DCDC2C: variants seen among roughly 807,000 people sequenced by gnomAD.
DCDC2C encodes the protein doublecortin domain containing 2C.
A neutral mutation model predicts 45.0 loss-of-function variants in DCDC2C; 44 were observed. That is an observed-to-expected ratio of 0.98 (90% confidence interval 0.77 to 1.26). DCDC2C has a LOEUF of 1.26. Among genes scored for constraint, DCDC2C ranks in the 50% most tolerant of loss-of-function variants. The pLI is 0.00. For missense variants in DCDC2C, 447 were observed against 468.9 expected (o/e 0.95, Z 0.43); for synonymous variants, 187 against 178.8 (o/e 1.05, Z -0.37).
chr2:3,740,245 A>G (rs886214583), intron 3 of DCDC2C, among the ~76,000 whole-genome samples: 12 of 152,204 alleles, frequency 7.9e-5, no homozygotes, highest in Non-Finnish European at 1.3e-4. Context: ...GACATTTTGT[A>G]TTTTTGACTT....
At chr2:3,797,102 G>C (rs1403425866) in intron 10 of DCDC2C, among the ~76,000 whole-genome samples, 2 of 152,250 alleles carry the variant, frequency 1.3e-5, no homozygotes, top group Non-Finnish European at 2.9e-5. Flanking sequence ...TCTTGGGAGA[G>C]TGTATGTGTC....
chr2:3,840,688 G>GTTTCTTTA (rs1312914180), intron 10 of DCDC2C, among the ~76,000 whole-genome samples: 1 of 152,054 alleles, frequency 6.6e-6, no homozygotes, highest in Non-Finnish European at 1.5e-5. Flanking sequence ...TTGTTTCTTT[G>GTTTCTTTA]TTTCTGGTAT....
At chr2:3,757,211 C>T (rs577107599) in intron 6 of DCDC2C, among the ~76,000 whole-genome samples, 3 of 152,212 alleles carry the variant, frequency 2.0e-5, no homozygotes, top group South Asian at 4.1e-4. Flanking sequence ...TACTTGCTTG[C>T]CCCAGGTTTT....
At chr2:3,791,848 G>T (rs537126760) in intron 10 of DCDC2C, among the ~76,000 whole-genome samples, 42 of 152,326 alleles carry the variant, frequency 2.8e-4, no homozygotes, top group African/African-American at 9.6e-4. Context: ...ATGACACACC[G>T]CCACAGGGCA....
At position 3,769,416 on chromosome 2, in the gene DCDC2C, G is replaced by A. The variant is rs929770658; in HGVS notation, c.954+5G>A. ...CTGGAGGTGCCTGTGGACCAGGTGG[G>A]TGTCCGGGGTCCGATGTCCATGCCG... is the stretch of plus-strand genomic sequence containing the variant. On this transcript the variant is annotated splice_donor_5th_base_variant and intron_variant, in intron 8 of 10. Transcript: ENST00000399143. 1 of 1,549,780 alleles carries A rather than the reference G, an allele frequency of 6.5e-7. No individual in the cohort carries two copies. The highest frequency in any genetic ancestry group is 1.4e-5 in the African/African-American group (1 of 73,040).
intron 10 of DCDC2C, among the ~76,000 whole-genome samples, chr2:3,839,437 T>C (rs891567178): frequency 6.6e-6 from 1 of 152,228 alleles, no homozygotes; most frequent in Non-Finnish European, 1.5e-5. Context: ...AACCGAGTAT[T>C]GAATACGGTA....
At chr2:3,836,275 A>G (rs1478098966) in intron 10 of DCDC2C, among the ~76,000 whole-genome samples, 1 of 152,156 alleles carries the variant, frequency 6.6e-6, no homozygotes, top group Non-Finnish European at 1.5e-5. Flanking sequence ...AAATTGAAGG[A>G]CATTTTACAA....
At chr2:3,815,221 A>G (rs1421449019) in intron 10 of DCDC2C, among the ~76,000 whole-genome samples, 1 of 152,198 alleles carries the variant, frequency 6.6e-6, no homozygotes, top group African/African-American at 2.4e-5. Context: ...TGGAAAAAGC[A>G]CGGTTTCCCC....
intron 10 of DCDC2C, among the ~76,000 whole-genome samples, chr2:3,786,358 G>T (rs1670652222): frequency 6.9e-6 from 1 of 145,176 alleles, no homozygotes; most frequent in South Asian, 2.3e-4. Context: ...CGTGTGTCCC[G>T]CCTGTGCACG....
At chr2:3,747,527 C>T (rs1669409082) in intron 4 of DCDC2C, among the ~76,000 whole-genome samples, 1 of 152,188 alleles carries the variant, frequency 6.6e-6, no homozygotes, top group South Asian at 2.1e-4. Context: ...CAGTGGACGT[C>T]ACTTCTGGCT....
chr2:3,783,531 A>G (rs1241165503), intron 9 of DCDC2C, among the ~76,000 whole-genome samples: 1 of 152,248 alleles, frequency 6.6e-6, no homozygotes, highest in Non-Finnish European at 1.5e-5. Flanking sequence ...GTGTACGTCT[A>G]CTGTCTCTTC....
chr2:3,704,387 AGGGGCGTGG>A (rs1325396090), intron 1 of DCDC2C, among the ~76,000 whole-genome samples: 1 of 45,706 alleles, frequency 2.2e-5, no homozygotes. Context: ...GGGTGTGGAG[AGGGGCGTGG>A]GGGGCGTGGG....
intron 10 of DCDC2C, among the ~76,000 whole-genome samples, chr2:3,807,391 A>G (rs1056330108): frequency 6.6e-5 from 10 of 152,114 alleles, no homozygotes; most frequent in Admixed American, 2.6e-4. Context: ...AAGTCTGTAA[A>G]CAGTCGACTC....
intron 10 of DCDC2C, among the ~76,000 whole-genome samples, chr2:3,805,275 C>T (rs962248292): frequency 4.6e-5 from 7 of 152,198 alleles, no homozygotes; most frequent in African/African-American, 7.2e-5. Context: ...CAGCAGCTCC[C>T]GGCTGGCACT....
chr2:3,797,745 TA>T lies in DCDC2C; in HGVS notation c.1065+12647del, dbSNP rs1671000378. Among the ~76,000 whole-genome samples, 6 of 152,260 alleles carry T rather than the reference TA, an allele frequency of 3.9e-5. No individual in the cohort carries two copies. In the South Asian group the frequency reaches 1.2e-3, roughly 32 times the overall value. On this transcript the variant is annotated intron_variant, in intron 10 of 10. Coordinates refer to ENST00000399143, the MANE Select transcript of DCDC2C (RefSeq NM_001287444.2). ...CTGTGGTCTGAGAGATAATTTGTTA[TA>T]ATTTCTGTTCTTTTACATTTGCTGA... is the stretch of plus-strand genomic sequence containing the variant.
chr2:3,816,067 C>T (rs187551759), intron 10 of DCDC2C, among the ~76,000 whole-genome samples: 30 of 152,048 alleles, frequency 2.0e-4, no homozygotes, highest in Middle Eastern at 6.8e-3. Flanking sequence ...GGATTATGGG[C>T]GGCATGGGAA....
intron 4 of DCDC2C, among the ~76,000 whole-genome samples, chr2:3,744,294 G>C (rs1046342153): frequency 1.3e-5 from 2 of 152,216 alleles, no homozygotes; most frequent in African/African-American, 4.8e-5. Context: ...GCCATTGCTG[G>C]TGTGGACATG....
intron 10 of DCDC2C, among the ~76,000 whole-genome samples, chr2:3,810,484 G>C (rs1671367968): frequency 6.6e-6 from 1 of 152,066 alleles, no homozygotes; most frequent in Non-Finnish European, 1.5e-5. Flanking sequence ...CTGGATATTA[G>C]ACCTTTGTCA....
chr2:3,837,268 C>T lies in DCDC2C; in HGVS notation c.1066-9886C>T, dbSNP rs79056241. ...AGAGCAATCAGAGAACTCAATCAAT[C>T]GAGTTGAATTTTGCTGATCAGGCAA... On this transcript the variant is annotated intron_variant, in intron 10 of 10. Coordinates refer to ENST00000399143, the MANE Select transcript of DCDC2C (RefSeq NM_001287444.2). 2.2e-3 allele frequency among the ~76,000 whole-genome samples: 331 copies of T among 152,274 alleles called. 7 individuals are homozygous for T. The East Asian group carries it at 0.043, about 20-fold the overall frequency.
Sources: allele counts gnomAD v4.1 joint callset (sites outside exome capture counted in the v4.1 genomes callset), GRCh38; gene constraint gnomAD v4.1.1; transcripts MANE v1.5; gene names NCBI Gene and HGNC (gene_info 2026-07-23, HGNC 2026-07-21).